ACSM2B: variants seen among roughly 807,000 people sequenced by gnomAD.
ACSM2B encodes acyl-CoA synthetase medium chain family member 2B.
Under a neutral mutation model 78.6 loss-of-function variants are expected in ACSM2B, and 58 were observed. The ratio of observed to expected loss-of-function variants is 0.74; its 90% confidence interval spans 0.60 to 0.92. The LOEUF (loss-of-function observed/expected upper bound fraction) is 0.92, where lower values mean the gene tolerates loss of function less well. ACSM2B is among the 40% of genes least tolerant of loss of function. The pLI is 0.00. For missense variants in ACSM2B, 688 were observed against 711.2 expected (o/e 0.97, Z 0.37); for synonymous variants, 257 against 256.8 (o/e 1.00, Z -0.01).
intron 5 of ACSM2B, among the ~76,000 whole-genome samples, chr16:20,552,868 C>T (rs2015361839): frequency 1.3e-5 from 2 of 152,110 alleles, no homozygotes; most frequent in Non-Finnish European, 2.9e-5. Flanking sequence ...CGGGAACTGC[C>T]ATAGTGTATC....
intron 1 of ACSM2B, among the ~76,000 whole-genome samples, chr16:20,569,179 G>A (rs902450816): frequency 5.3e-5 from 8 of 151,898 alleles, no homozygotes; most frequent in Non-Finnish European, 4.4e-5. Context: ...TTATCTTCTA[G>A]AATTTTTATA....
chr16:20,556,673 T>C (rs980529570), intron 3 of ACSM2B, among the ~76,000 whole-genome samples: 1 of 152,186 alleles, frequency 6.6e-6, no homozygotes, highest in Non-Finnish European at 1.5e-5. Context: ...TTAAACCACA[T>C]GCCCGTCCTG....
intron 12 of ACSM2B, chr16:20,540,997 G>T (rs2014973151): frequency 2.2e-6 from 1 of 459,222 alleles, no homozygotes; most frequent in Non-Finnish European, 3.7e-6. Context: ...TTGAGACCAG[G>T]CTCACCTCAT....
intron 10 of ACSM2B, chr16:20,544,809 C>G (rs1170595117): frequency 2.0e-6 from 2 of 1,002,600 alleles, no homozygotes; most frequent in African/African-American, 3.5e-5. Flanking sequence ...CGGCATAGAT[C>G]ATGGGGATGA....
intron 5 of ACSM2B, among the ~76,000 whole-genome samples, chr16:20,552,520 A>G (rs774791395): frequency 7.2e-5 from 11 of 152,022 alleles, no homozygotes; most frequent in Non-Finnish European, 1.5e-4. Context: ...GGAAGGTGGG[A>G]CCCCAGTTGA....
chr16:20,566,741 C>G (rs796911737), intron 1 of ACSM2B, among the ~76,000 whole-genome samples: 5 of 44,804 alleles, frequency 1.1e-4, no homozygotes, highest in African/African-American at 5.5e-4. Context: ...ATAGTATATA[C>G]TATATATACT....
In ACSM2B at chr16:20,559,331, C is replaced by T. The variant is rs369411104; in HGVS notation, c.294G>A (p.Ser98=). The stretch of plus-strand genomic sequence containing the variant: ...CCCCACGCTGCAGGCCACAGGCTCC[C>T]GAGAGGATGTTGGCTGCCTGCTGGC... ...ENSQQAANIL[S]GACGLQRGDR... is the part of the protein sequence containing the mutation. The change falls in exon 3 of 14, where the codon TCG becomes TCA. Residue 98 remains serine, a synonymous_variant. Transcript: ENST00000329697. The T allele has an allele frequency of 2.6e-5, 42 of 1,609,070 alleles. No individual in the cohort carries two copies. Among genetic ancestry groups the T allele is most frequent in the African/African-American group, 1.2e-4 (9 of 74,818 alleles).
At chr16:20,564,340 C>T (rs570212889) in intron 2 of ACSM2B, among the ~76,000 whole-genome samples, 2,701 of 151,856 alleles carry the variant, frequency 0.018, 57 homozygotes, top group African/African-American at 0.063. Context: ...GATTCAAACC[C>T]GCCTCTTCTA....
At chr16:20,562,138 C>A (rs28500786) in intron 2 of ACSM2B, among the ~76,000 whole-genome samples, 3,677 of 151,686 alleles carry the variant, frequency 0.024, 158 homozygotes, top group African/African-American at 0.086. Context: ...TTGGTGTATA[C>A]CCAGAGTTGG....
chr16:20,540,003 T>C (rs2014941027), intron 13 of ACSM2B, among the ~76,000 whole-genome samples: 1 of 152,182 alleles, frequency 6.6e-6, no homozygotes, highest in Admixed American at 6.5e-5. Flanking sequence ...TAGATTTCTG[T>C]CACTTGCAAC....
intron 3 of ACSM2B, among the ~76,000 whole-genome samples, chr16:20,556,196 A>G (rs2015468511): frequency 6.6e-6 from 1 of 152,224 alleles, no homozygotes; most frequent in South Asian, 2.1e-4. Context: ...ATCTTAAAAA[A>G]TTAGACTTAT....
rs2014851225 is a variant in ACSM2B, at chr16:20,536,568, T to A, written c.*690A>T. On this transcript the variant is annotated 3_prime_UTR_variant, in exon 14 of 14. Coordinates refer to ENST00000329697, the MANE Select transcript of ACSM2B (RefSeq NM_001105069.2). ...ACACAAGTCTTCCTGTATGGAGGTC[T>A]TCTCCTAGGGTAAAAGAAAGTACCA... 1 of 152,256 alleles carries A rather than the reference T, an allele frequency of 6.6e-6. No homozygotes were observed. Among genetic ancestry groups the A allele is most frequent in the Admixed American group, 6.5e-5 (1 of 15,286 alleles). 9.4% of individuals were successfully genotyped at this position (152,256 alleles called of 1,614,324 possible).
intron 4 of ACSM2B, among the ~76,000 whole-genome samples, chr16:20,554,511 T>A (rs1251254651): frequency 1.3e-5 from 2 of 152,202 alleles, no homozygotes; most frequent in East Asian, 3.8e-4. Context: ...AGCTGAAGTT[T>A]TCCCTTCAAG....
At chr16:20,546,707 G>A in intron 8 of ACSM2B, 1 of 599,314 alleles carries the variant, frequency 1.7e-6, no homozygotes, top group Non-Finnish European at 2.6e-6. Context: ...CCAGGAAGAG[G>A]ACCTAACAAT....
intron 13 of ACSM2B, among the ~76,000 whole-genome samples, chr16:20,539,010 C>A (rs2014918966): frequency 6.6e-6 from 1 of 152,132 alleles, no homozygotes; most frequent in African/African-American, 2.4e-5. Flanking sequence ...CTTCCCAGGG[C>A]AGCCTACATC....
rs756305973 is a variant in ACSM2B, at chr16:20,546,382, T to A, written c.1179+12A>T. ...CCCCTAACTTCCTCCCTCCTCAGTG[T>A]CCCGAGCAAACCTGTACATCATAAC... On this transcript the variant is annotated intron_variant, in intron 9 of 13. Coordinates refer to ENST00000329697, the MANE Select transcript of ACSM2B (RefSeq NM_001105069.2). 1 of 1,588,212 alleles carries A rather than the reference T, an allele frequency of 6.3e-7. No homozygotes were observed. The highest frequency in any genetic ancestry group is 8.6e-7 in the Non-Finnish European group (1 of 1,168,604).
At chr16:20,560,464 T>C (rs2015618217) in intron 2 of ACSM2B, among the ~76,000 whole-genome samples, 1 of 152,066 alleles carries the variant, frequency 6.6e-6, no homozygotes, top group African/African-American at 2.4e-5. Context: ...TGCCCTTTGT[T>C]GTGCCTGCTC....
chr16:20,550,401 A>C (rs190870498), intron 6 of ACSM2B, among the ~76,000 whole-genome samples: 2 of 152,070 alleles, frequency 1.3e-5, no homozygotes, highest in Admixed American at 1.3e-4. Context: ...CTCATTTGCT[A>C]TATTTCTCCT....
Position 20,548,378 on chromosome 16 carries a change from C to T in ACSM2B, c.974+16G>A. 1 of 1,613,524 alleles carries T rather than the reference C, an allele frequency of 6.2e-7. No individual in the cohort carries two copies. The highest frequency in any genetic ancestry group is 8.5e-7 in the Non-Finnish European group (1 of 1,179,688). On this transcript the variant is annotated intron_variant, in intron 7 of 13. Transcript: ENST00000329697. Reference sequence around the variant, plus strand: ...ATGGGGCCAGACTCTCTTACCAATCCTCAAAGCCCCATCACCTGGAAAGAT... The same window carrying T: ...ATGGGGCCAGACTCTCTTACCAATCTTCAAAGCCCCATCACCTGGAAAGAT...
Sources: gnomAD v4.1 joint callset for allele counts (sites outside exome capture counted in the v4.1 genomes callset) on GRCh38, gnomAD v4.1.1 for gene constraint, MANE v1.5 for transcripts, NCBI Gene and HGNC (gene_info 2026-07-23, HGNC 2026-07-21) for gene names.